The following ESRRG variants were observed in gnomAD, a reference collection of about 807,000 sequenced individuals.
ESRRG encodes estrogen related receptor gamma.
ESRRG carries 13 observed loss-of-function variants against 44.0 expected under a neutral mutation model. That is an observed-to-expected ratio of 0.30 (90% CI 0.19 to 0.47). The LOEUF is 0.47. Among genes scored for constraint, ESRRG ranks in the 20% least tolerant of loss-of-function variants. The pLI is 1.00. For missense variants in ESRRG, 395 were observed against 580.6 expected, an observed-to-expected ratio of 0.68 and a Z score of 3.29; for synonymous variants, 215 against 214.6, an observed-to-expected ratio of 1.00 and a Z score of -0.02.
At chr1:216,762,245 C>T (rs1409117405) in intron 2 of ESRRG, among the ~76,000 whole-genome samples, 1 of 151,878 alleles carries the variant, frequency 6.6e-6, no homozygotes, top group Non-Finnish European at 1.5e-5. Flanking sequence ...GCTATAAAGA[C>T]ACATGCACAC....
At chr1:216,965,784 T>C (rs1327051366) in intron 1 of ESRRG, among the ~76,000 whole-genome samples, 1 of 152,168 alleles carries the variant, frequency 6.6e-6, no homozygotes, top group Non-Finnish European at 1.5e-5. Flanking sequence ...GGGGTCAGAT[T>C]AGAGGCTGAG....
At chr1:216,877,500 T>C (rs1299225918) in intron 2 of ESRRG, among the ~76,000 whole-genome samples, 1 of 151,946 alleles carries the variant, frequency 6.6e-6, no homozygotes, top group African/African-American at 2.4e-5. Flanking sequence ...GCCTCCCAGA[T>C]TCAAGCAATT....
intron 1 of ESRRG, among the ~76,000 whole-genome samples, chr1:217,033,378 A>G (rs2082359234): frequency 1.3e-5 from 2 of 152,174 alleles, no homozygotes; most frequent in Non-Finnish European, 2.9e-5. Flanking sequence ...ATGGCCTCTG[A>G]ATATTGAAGA....
At chr1:216,871,290 A>G (rs1304187385) in intron 2 of ESRRG, among the ~76,000 whole-genome samples, 4 of 152,024 alleles carry the variant, frequency 2.6e-5, no homozygotes, top group African/African-American at 4.8e-5. Context: ...ACATTTTCCT[A>G]TCTTTCTCTT....
At chr1:216,512,010 C>G (rs1000386075) in intron 6 of ESRRG, among the ~76,000 whole-genome samples, 1 of 152,138 alleles carries the variant, frequency 6.6e-6, no homozygotes, top group African/African-American at 2.4e-5. Context: ...AATTGTAACA[C>G]TGGTAACCAA....
chr1:216,985,519 T>A (rs557896917), intron 1 of ESRRG, among the ~76,000 whole-genome samples: 3 of 152,220 alleles, frequency 2.0e-5, no homozygotes, highest in Admixed American at 2.0e-4. Flanking sequence ...CCCATCTCTA[T>A]ATCTTTGATG....
intron 2 of ESRRG, among the ~76,000 whole-genome samples, chr1:216,896,376 A>G (rs994268053): frequency 3.9e-5 from 6 of 152,192 alleles, no homozygotes; most frequent in Admixed American, 2.6e-4. Flanking sequence ...CAAACCTGGG[A>G]AACAACAGCA....
chr1:216,749,129 C>T (rs1394506605), intron 2 of ESRRG, among the ~76,000 whole-genome samples: 1 of 140,478 alleles, frequency 7.1e-6, no homozygotes, highest in Non-Finnish European at 1.5e-5. Context: ...GGAACTTGCA[C>T]AGTTAAGGTG....
At chr1:216,707,323 G>A in intron 1 of ESRRG, 1 of 1,534,464 alleles carries the variant, frequency 6.5e-7, no homozygotes, top group South Asian at 1.2e-5. Context: ...CAACTTTGGT[G>A]ATCAAGTCTT....
intron 5 of ESRRG, among the ~76,000 whole-genome samples, chr1:216,539,344 C>A (rs2051980408): frequency 6.6e-6 from 1 of 151,928 alleles, no homozygotes; most frequent in Non-Finnish European, 1.5e-5. Flanking sequence ...TCCCTGACAT[C>A]ACTTGAAAAT....
intron 1 of ESRRG, among the ~76,000 whole-genome samples, chr1:217,123,208 G>T (rs982118973): frequency 2.0e-5 from 3 of 152,146 alleles, no homozygotes; most frequent in African/African-American, 7.2e-5. Flanking sequence ...TCGTGGAAAT[G>T]AAAAGGAATA....
At chr1:216,625,381 C>T (rs1438134706) in intron 3 of ESRRG, among the ~76,000 whole-genome samples, 1 of 138,492 alleles carries the variant, frequency 7.2e-6, no homozygotes, top group East Asian at 2.2e-4. Flanking sequence ...TCATTTTTGT[C>T]CTCACTTTAC....
chr1:216,742,033 C>T (rs1174003021), intron 2 of ESRRG, among the ~76,000 whole-genome samples: 2 of 152,118 alleles, frequency 1.3e-5, no homozygotes, highest in Non-Finnish European at 2.9e-5. Flanking sequence ...AGAACAAAAT[C>T]AAGATTCTTT....
intron 1 of ESRRG, among the ~76,000 whole-genome samples, chr1:216,991,913 T>A (rs1302222163): frequency 6.6e-6 from 1 of 152,216 alleles, no homozygotes; most frequent in Non-Finnish European, 1.5e-5. Context: ...GTGTCTGTTG[T>A]AAATCACTTT....
chr1:216,964,175 G>A (rs1463914481), intron 1 of ESRRG, among the ~76,000 whole-genome samples: 1 of 152,168 alleles, frequency 6.6e-6, no homozygotes, highest in Non-Finnish European at 1.5e-5. Context: ...TAGACTTTGA[G>A]GGAATGCTTA....
chr1:217,022,586 A>T (rs976561596), intron 1 of ESRRG, among the ~76,000 whole-genome samples: 1 of 152,160 alleles, frequency 6.6e-6, no homozygotes, highest in Non-Finnish European at 1.5e-5. Flanking sequence ...TCACAGCTGG[A>T]AGGCTGCAGC....
chr1:216,507,293 C>G (rs2041444947), intron 6 of ESRRG, 110 bp from the exon 7 acceptor site: 2 of 697,036 alleles, frequency 2.9e-6, no homozygotes, highest in Non-Finnish European at 2.3e-6. Flanking sequence ...CTTCTCTGAG[C>G]TTGAACCTAT....
intron 2 of ESRRG, among the ~76,000 whole-genome samples, chr1:216,781,327 A>G (rs1350169662): frequency 1.3e-5 from 2 of 152,040 alleles, no homozygotes. Context: ...GAGTAAGGCC[A>G]TAGAGAAATG....
chr1:216,722,395 C>A (rs1031118266), intron 1 of ESRRG, among the ~76,000 whole-genome samples: 1 of 151,336 alleles, frequency 6.6e-6, no homozygotes, highest in African/African-American at 2.4e-5. Context: ...ACTTACTTCT[C>A]GTACCCCCTA....
Sources: allele counts gnomAD v4.1 joint callset (sites outside exome capture counted in the v4.1 genomes callset), GRCh38; gene constraint gnomAD v4.1.1; transcripts MANE v1.5; gene names NCBI Gene and HGNC (gene_info 2026-07-23, HGNC 2026-07-21).